The following ANKRD30A variants were observed in gnomAD, a reference collection of about 807,000 sequenced individuals.
The protein encoded by ANKRD30A is ankyrin repeat domain 30A, also known as ankyrin repeat domain-containing protein 30A.
Under a neutral mutation model 166.3 loss-of-function variants are expected in ANKRD30A, and 170 were observed. The observed-to-expected ratio is 1.02, with a 90% CI of 0.90 to 1.16. The LOEUF is 1.16. Among genes scored for constraint, ANKRD30A ranks in the 50% most tolerant of loss-of-function variants. The pLI, the probability that ANKRD30A is intolerant of heterozygous loss-of-function variation, is 0.00. For missense variants in ANKRD30A, 1,630 were observed against 1,518.0 expected (o/e 1.07, Z -1.23); for synonymous variants, 564 against 508.9 (o/e 1.11, Z -1.46).
chr10:37,228,812 G>A (rs2132762952), intron 34 of ANKRD30A, among the ~76,000 whole-genome samples: 1 of 152,028 alleles, frequency 6.6e-6, no homozygotes, highest in Non-Finnish European at 1.5e-5. Flanking sequence ...GTACTTTAAA[G>A]GTGACTAATT....
chr10:37,139,487 A>G (rs1042620183), intron 6 of ANKRD30A, among the ~76,000 whole-genome samples: 11 of 152,272 alleles, frequency 7.2e-5, no homozygotes, highest in African/African-American at 2.2e-4. Flanking sequence ...TCTTAAGACC[A>G]CATAAGTAAA....
intron 9 of ANKRD30A, 77 bp downstream of exon 9, chr10:37,147,534 A>G: frequency 1.1e-6 from 1 of 929,872 alleles, no homozygotes; most frequent in Non-Finnish European, 1.6e-6. Flanking sequence ...ATACTCTAAT[A>G]GCCAAATAAA....
chr10:37,226,858 AGTG>A (rs1196736547), intron 34 of ANKRD30A, among the ~76,000 whole-genome samples: 4 of 151,860 alleles, frequency 2.6e-5, no homozygotes, highest in African/African-American at 7.2e-5. Context: ...ATTCCATCCT[AGTG>A]GTGGGAAGTG....
intron 13 of ANKRD30A, 50 bp from the exon 14 acceptor site, chr10:37,158,342 G>T: frequency 6.3e-7 from 1 of 1,578,726 alleles, no homozygotes. Flanking sequence ...TGTTCGGTAG[G>T]CTTTGTCAGG....
chr10:37,126,249 C>T (rs7350386), intron 1 of ANKRD30A, among the ~76,000 whole-genome samples: 7,277 of 152,292 alleles, frequency 0.048, 232 homozygotes, highest in South Asian at 0.061. Flanking sequence ...CAACCCCAAA[C>T]TTTAGCTGCT....
At position 37,141,879 on chromosome 10, in the gene ANKRD30A, G is replaced by A. The variant is rs1262082121; in HGVS notation, c.982G>A (p.Ala328Thr). Reference protein sequence around the residue: ...ESLVEKTPDEAASLVEGTSDK... With the variant: ...ESLVEKTPDETASLVEGTSDK... ...CTTGGTGGAAAAAACACCTGATGAGGCTGCATCCTTGGTGGAGGGAACATC... is the reference window on the plus strand; with the variant it reads ...CTTGGTGGAAAAAACACCTGATGAGACTGCATCCTTGGTGGAGGGAACATC... Residue 328 changes from alanine (A) to threonine (T), a missense_variant, in exon 7 of 36, where the codon GCT (alanine) becomes ACT (threonine). This residue lies in a region of ANKRD30A where 904 missense variants were observed against 818.5 expected (regional missense o/e 1.10). Transcript: ENST00000361713. 6.2e-7 allele frequency: 1 copy of A among 1,613,988 alleles called. No individual in the cohort carries two copies. The highest frequency in any genetic ancestry group is 2.2e-5 in the East Asian group (1 of 44,876).
At chr10:37,157,153 T>G (rs938629534) in intron 13 of ANKRD30A, among the ~76,000 whole-genome samples, 19 of 152,216 alleles carry the variant, frequency 1.2e-4, no homozygotes, top group Non-Finnish European at 2.5e-4. Context: ...GAAATGTCTG[T>G]GATTTTCTTG....
intron 11 of ANKRD30A, 67 bp from the exon 12 acceptor site, chr10:37,151,993 T>C (rs940562287): frequency 2.1e-5 from 29 of 1,385,176 alleles, no homozygotes; most frequent in South Asian, 2.0e-4. Context: ...AGTAGATTTG[T>C]ATATGTTTTT....
At chr10:37,197,088 T>C (rs1841195254) in intron 27 of ANKRD30A, among the ~76,000 whole-genome samples, 193 bp from the exon 28 acceptor site, 1 of 152,138 alleles carries the variant, frequency 6.6e-6, no homozygotes, top group Non-Finnish European at 1.5e-5. Context: ...CTGTGAAACC[T>C]GTATTTATAT....
chr10:37,247,401 A>T, the ANKRD30A span, among the ~76,000 whole-genome samples: 1 of 152,168 alleles, frequency 6.6e-6, no homozygotes, highest in Non-Finnish European at 1.5e-5. Flanking sequence ...CATTTATCTT[A>T]TAGTGATTTA....
chr10:37,198,989 A>G (rs151113316), intron 29 of ANKRD30A, among the ~76,000 whole-genome samples: 21 of 152,198 alleles, frequency 1.4e-4, no homozygotes, highest in Non-Finnish European at 2.4e-4. Context: ...ATTTTATCCT[A>G]TAACATGTGG....
chr10:37,197,236 G>T (rs747214858), intron 27 of ANKRD30A, 45 bp from the exon 28 acceptor site: 3 of 1,605,666 alleles, frequency 1.9e-6, no homozygotes, highest in African/African-American at 1.3e-5. Flanking sequence ...TGGCTGGCTT[G>T]TCATATTTAC....
chr10:37,231,332 G>A (rs1474461498), intron 34 of ANKRD30A, 129 bp from the exon 35 acceptor site: 2 of 640,050 alleles, frequency 3.1e-6, no homozygotes, highest in Non-Finnish European at 4.9e-6. Flanking sequence ...CATCTTCATT[G>A]TTAAAGCACG....
rs1360573477 is a variant in ANKRD30A at position 37,152,067 on chromosome 10, G to A, written c.1653G>A (p.Met551Ile). ...KNEQTLRADP[M>I]FPPESKQKDY... is the part of the protein sequence containing the mutation. ...GTGATTAACCTTTTATAGATCCGAT[G>A]TTCCCACCAGAATCCAAACAAAAGG... Residue 551 changes from methionine to isoleucine, a missense_variant, in exon 12 of 36, where the codon ATG becomes ATA. Around this residue, in one of 4 missense-constraint regions of ANKRD30A, gnomAD observed 904 missense variants for 818.5 expected, o/e 1.10. Transcript: ENST00000361713. 4 of 1,608,746 alleles carry A rather than the reference G, an allele frequency of 2.5e-6. No homozygotes were observed. The highest frequency in any genetic ancestry group is 2.7e-5 in the African/African-American group (2 of 74,818).
chr10:37,159,153 G>A (rs1416047548), intron 15 of ANKRD30A, among the ~76,000 whole-genome samples: 1 of 152,150 alleles, frequency 6.6e-6, no homozygotes, highest in Non-Finnish European at 1.5e-5. Context: ...TAATGCTACT[G>A]TAATGAATTG....
At chr10:37,153,483 T>G (rs1838117226) in intron 12 of ANKRD30A, 89 bp from the exon 13 acceptor site, 3 of 1,571,308 alleles carry the variant, frequency 1.9e-6, no homozygotes, top group Middle Eastern at 2.4e-4. Flanking sequence ...AAATTGTGTT[T>G]TTAAAAAAGA....
At chr10:37,206,919 ATAT>A (rs1438875558) in intron 31 of ANKRD30A, among the ~76,000 whole-genome samples, 2 of 152,196 alleles carry the variant, frequency 1.3e-5, no homozygotes, top group Non-Finnish European at 1.5e-5. Context: ...TTTTACATAA[ATAT>A]TATACTGATT....
chr10:37,164,998 C>G (rs1232804533), intron 17 of ANKRD30A, 96 bp from the exon 18 acceptor site: 3 of 1,309,866 alleles, frequency 2.3e-6, no homozygotes, highest in Non-Finnish European at 3.3e-6. Flanking sequence ...AGAGGAAAAT[C>G]CACAGATTCG....
intron 31 of ANKRD30A, among the ~76,000 whole-genome samples, chr10:37,209,960 TA>T (rs969065978): frequency 6.6e-6 from 1 of 151,846 alleles, no homozygotes; most frequent in African/African-American, 2.4e-5. Flanking sequence ...CATTCCTAGT[TA>T]AAAAGGTTTT....
Sources: gnomAD v4.1 joint callset for allele counts (sites outside exome capture counted in the v4.1 genomes callset) on GRCh38, gnomAD v4.1.1 for gene constraint, gnomAD v4.1.1 regional missense constraint, MANE v1.5 for transcripts, NCBI Gene and HGNC (gene_info 2026-07-23, HGNC 2026-07-21) for gene names.